CPXM2: variants seen among roughly 807,000 people sequenced by gnomAD.
CPXM2 encodes carboxypeptidase X, M14 family member 2, also known as inactive carboxypeptidase-like protein X2.
In CPXM2, 66 loss-of-function variants were observed where a neutral mutation model predicts 86.1. That is an observed-to-expected ratio of 0.77 (90% CI 0.63 to 0.94). The LOEUF (loss-of-function observed/expected upper bound fraction) is 0.94. CPXM2 is among the 40% of genes least tolerant of loss of function. The pLI is 0.00. For synonymous variants in CPXM2, 388 were observed against 400.2 expected, an observed-to-expected ratio of 0.97 and a Z score of 0.36; for missense variants, 948 against 1,026.3, an observed-to-expected ratio of 0.92 and a Z score of 1.04.
At chr10:123,773,479 C>T (rs1185332653) in intron 7 of CPXM2, among the ~76,000 whole-genome samples, 1 of 152,192 alleles carries the variant, frequency 6.6e-6, no homozygotes, top group Non-Finnish European at 1.5e-5. Flanking sequence ...TCTTTATTGC[C>T]CACTCACTAC....
intron 2 of CPXM2, among the ~76,000 whole-genome samples, chr10:123,897,683 T>C (rs1449035884): frequency 2.0e-5 from 3 of 152,190 alleles, no homozygotes; most frequent in African/African-American, 7.2e-5. Flanking sequence ...ATTTAGAAGT[T>C]CTGGAGCTGC....
At chr10:123,881,307 A>C (rs1945089350) in intron 1 of CPXM2, among the ~76,000 whole-genome samples, 1 of 140,634 alleles carries the variant, frequency 7.1e-6, no homozygotes, top group African/African-American at 2.7e-5. Flanking sequence ...TGAACATCTC[A>C]GCTCTGGCAT....
chr10:123,747,292 C>T (rs1045369173), intron 13 of CPXM2, among the ~76,000 whole-genome samples: 5 of 152,228 alleles, frequency 3.3e-5, no homozygotes, highest in Non-Finnish European at 7.3e-5. Flanking sequence ...ATCACTAATG[C>T]TCTGTGACAA....
At chr10:123,747,784 T>C (rs1845997710) in intron 13 of CPXM2, among the ~76,000 whole-genome samples, 1 of 151,824 alleles carries the variant, frequency 6.6e-6, no homozygotes, top group Admixed American at 6.6e-5. Context: ...AGGCTGGGTG[T>C]GGTGGTGGGT....
intron 2 of CPXM2, among the ~76,000 whole-genome samples, chr10:123,867,556 G>T: frequency 8.1e-6 from 1 of 123,570 alleles, no homozygotes; most frequent in Admixed American, 8.9e-5. Context: ...TTTTTGAGAA[G>T]GAGTTTCACT....
intron 2 of CPXM2, among the ~76,000 whole-genome samples, chr10:123,901,705 A>G (rs550823109): frequency 6.6e-6 from 1 of 152,282 alleles, no homozygotes; most frequent in Admixed American, 6.5e-5. Context: ...TAGAGAGGTC[A>G]CACACATAAC....
At chr10:123,910,711 G>A (rs190131840) in intron 2 of CPXM2, among the ~76,000 whole-genome samples, 7 of 152,292 alleles carry the variant, frequency 4.6e-5, no homozygotes, top group Middle Eastern at 3.4e-3. Flanking sequence ...GACTGTATCC[G>A]TTTTCTGGGG....
chr10:123,905,283 G>T (rs373883390), intron 2 of CPXM2, among the ~76,000 whole-genome samples: 20 of 152,332 alleles, frequency 1.3e-4, no homozygotes, highest in South Asian at 2.1e-4. Flanking sequence ...AAGGCCTTCC[G>T]CGAGCAGCTT....
chr10:123,796,447 G>A (rs556399704), intron 6 of CPXM2, among the ~76,000 whole-genome samples: 1 of 152,194 alleles, frequency 6.6e-6, no homozygotes, highest in African/African-American at 2.4e-5. Context: ...TAATGGTTTT[G>A]ATGACATAAA....
chr10:123,839,974 T>G (rs1415756768), intron 4 of CPXM2, among the ~76,000 whole-genome samples: 2 of 152,258 alleles, frequency 1.3e-5, no homozygotes, highest in African/African-American at 2.4e-5. Flanking sequence ...GGAAAGATAC[T>G]GTTCCACTGC....
intron 2 of CPXM2, among the ~76,000 whole-genome samples, chr10:123,900,951 T>C (rs1276015409): frequency 6.6e-6 from 1 of 152,154 alleles, no homozygotes; most frequent in Admixed American, 6.5e-5. Context: ...CATTCTAGAG[T>C]CAGCCCACAC....
At chr10:123,907,466 C>T (rs1271380928) in intron 2 of CPXM2, among the ~76,000 whole-genome samples, 1 of 152,166 alleles carries the variant, frequency 6.6e-6, no homozygotes, top group Non-Finnish European at 1.5e-5. Context: ...AGCGTCCTTA[C>T]CCACCCTCCC....
chr10:123,751,438 TAAG>T (rs1846073807), intron 13 of CPXM2: 1 of 912,114 alleles, frequency 1.1e-6, no homozygotes, highest in African/African-American at 1.8e-5. Flanking sequence ...CCTGACCTTC[TAAG>T]AAGGTTTGCG....
intron 3 of CPXM2, among the ~76,000 whole-genome samples, chr10:123,850,045 G>A (rs1848569778): frequency 6.6e-6 from 1 of 151,950 alleles, no homozygotes; most frequent in Non-Finnish European, 1.5e-5. Flanking sequence ...TACTCTTTTT[G>A]TCTGGCTTCT....
chr10:123,759,567 G>A (rs1311484179), intron 11 of CPXM2, among the ~76,000 whole-genome samples: 10 of 152,156 alleles, frequency 6.6e-5, no homozygotes, highest in Non-Finnish European at 1.5e-4. Context: ...AGCAAAATGC[G>A]ACTTCCTGTC....
chr10:123,874,394 A>G, intron 2 of CPXM2, among the ~76,000 whole-genome samples: 1 of 151,430 alleles, frequency 6.6e-6, no homozygotes, highest in South Asian at 2.1e-4. Flanking sequence ...ACACACACAC[A>G]CAAAGGCCCT....
chr10:123,920,270 A>G (rs1054102442), intron 2 of CPXM2, among the ~76,000 whole-genome samples: 1 of 152,380 alleles, frequency 6.6e-6, no homozygotes, highest in South Asian at 2.1e-4. Context: ...CATAATTCCT[A>G]TATCTAGCAA....
chr10:123,790,362 A>ATTAGAACTCG (rs1847178621), intron 6 of CPXM2, among the ~76,000 whole-genome samples: 3 of 151,492 alleles, frequency 2.0e-5, no homozygotes, highest in Non-Finnish European at 2.9e-5. Context: ...GTGACTCAGG[A>ATTAGAACTCG]TGGAGCAGGT....
At chr10:123,834,875 T>C (rs1178590020) in intron 4 of CPXM2, among the ~76,000 whole-genome samples, 1 of 152,114 alleles carries the variant, frequency 6.6e-6, no homozygotes, top group East Asian at 1.9e-4. Flanking sequence ...CAGCTGGTTG[T>C]TAAAAGAAGC....
Sources: allele counts gnomAD v4.1 joint callset (sites outside exome capture counted in the v4.1 genomes callset), GRCh38; gene constraint gnomAD v4.1.1; transcripts MANE v1.5; gene names NCBI Gene and HGNC (gene_info 2026-07-23, HGNC 2026-07-21).